OTUD4: variants seen among roughly 807,000 people sequenced by gnomAD.
OTUD4 encodes the protein OTU domain-containing protein 4.
In OTUD4, 24 loss-of-function variants were observed where a neutral mutation model predicts 130.4. That is an observed-to-expected ratio of 0.18 (90% confidence interval 0.13 to 0.26). OTUD4 has a LOEUF of 0.26. Among genes scored for constraint, OTUD4 ranks in the 10% least tolerant of loss-of-function variants. The pLI is 1.00. For missense variants in OTUD4, 1,031 were observed against 1,329.4 expected (o/e 0.78, Z 3.49); for synonymous variants, 420 against 472.5 (o/e 0.89, Z 1.44).
intron 6 of OTUD4, among the ~76,000 whole-genome samples, chr4:145,162,086 C>G (rs1319029129): frequency 6.6e-6 from 1 of 152,204 alleles, no homozygotes; most frequent in African/African-American, 2.4e-5. Flanking sequence ...GATCCTCCCA[C>G]CTCAGCCTCC....
At position 145,180,527 on chromosome 4, in the gene OTUD4, G is replaced by C. The variant is rs889384564; in HGVS notation, c.-554C>G. 2.6e-5 allele frequency among the ~76,000 whole-genome samples: 4 copies of C among 152,252 alleles called. No homozygotes were observed. The highest frequency in any genetic ancestry group is 5.9e-5 in the Non-Finnish European group (4 of 68,040). On this transcript the variant is annotated 5_prime_UTR_variant, in exon 1 of 21. Transcript: ENST00000447906. ...AGGGAGCGGGTGGGGGCGCCCGGGA[G>C]AGAACAGCACCTCGCAGCCCAGAAT...
chr4:145,169,957 A>G (rs1752071923), intron 3 of OTUD4, among the ~76,000 whole-genome samples: 1 of 152,256 alleles, frequency 6.6e-6, no homozygotes, highest in Non-Finnish European at 1.5e-5. Context: ...GGAAGATGAC[A>G]AAGTACACAG....
Position 145,146,275 on chromosome 4 carries a change from C to A in OTUD4, c.1414G>T (p.Ala472Ser), listed in dbSNP as rs1331109542. ...TGTCTTTTCATACATACGGAAAGGG[C>A]TGGGAAAGCCTGTTCATCTCTGTTC... is the stretch of plus-strand genomic sequence containing the variant. ...IQNRDEQAFP[A>S]LSSSSVNQSA... Residue 472 changes from alanine to serine, a missense_variant, in exon 14 of 21, where the codon GCC becomes TCC. Around this residue, in one of 3 missense-constraint regions of OTUD4, gnomAD observed 900 missense variants for 1,095.9 expected, o/e 0.82. Transcript: ENST00000447906. The A allele has an allele frequency of 6.5e-7, 1 of 1,539,040 alleles. No homozygotes were observed. Among genetic ancestry groups the A allele is most frequent in the Non-Finnish European group, 8.7e-7 (1 of 1,149,078 alleles).
intron 7 of OTUD4, among the ~76,000 whole-genome samples, 166 bp from the exon 8 acceptor site, chr4:145,156,162 A>G (rs1476056943): frequency 2.0e-5 from 3 of 152,246 alleles, no homozygotes; most frequent in East Asian, 3.8e-4. Context: ...ATAAAAGGGT[A>G]TATGTATGTA....
intron 13 of OTUD4, among the ~76,000 whole-genome samples, chr4:145,146,857 T>C (rs554310307): frequency 9.8e-5 from 15 of 152,336 alleles, no homozygotes; most frequent in African/African-American, 3.6e-4. Flanking sequence ...CTTTCTGTTC[T>C]AAGTAAAGGG....
At chr4:145,145,488 A>C (rs1750778128) in intron 14 of OTUD4, among the ~76,000 whole-genome samples, 1 of 152,084 alleles carries the variant, frequency 6.6e-6, no homozygotes, top group Admixed American at 6.5e-5. Context: ...GTGGGGCTTT[A>C]ATGTTTTATA....
At chr4:145,154,414 G>C (rs537234397) in intron 10 of OTUD4, among the ~76,000 whole-genome samples, 41 of 152,282 alleles carry the variant, frequency 2.7e-4, no homozygotes, top group African/African-American at 9.6e-4. Context: ...TTATCATAAA[G>C]TAAATGAGTG....
chr4:145,180,277 T>A lies in OTUD4; in HGVS notation c.-304A>T, dbSNP rs1752631637. 1 of 153,544 alleles carries A rather than the reference T, an allele frequency of 6.5e-6. No homozygotes were observed. Among genetic ancestry groups the A allele is most frequent in the Non-Finnish European group, 1.4e-5 (1 of 69,052 alleles). 9.5% of individuals were successfully genotyped at this position (153,544 alleles called of 1,614,324 possible). A position where few individuals can be genotyped will look rare whatever the true frequency, so the allele number is the denominator to read the frequency against. On this transcript the variant is annotated 5_prime_UTR_variant, in exon 1 of 21. Transcript: ENST00000447906. ...AGTGAGTAGTCACTTCCCGACGGCC[T>A]CGCTGCCTGACTCAGGACCCAGGCC...
chr4:145,152,692 G>A lies in OTUD4; in HGVS notation c.874-57C>T. ...AAAAAATCAGTCACCTGCTTCCTTT[G>A]CATTACTTATCAGTTTTTTGCGGTT... is the stretch of plus-strand genomic sequence containing the variant. On this transcript the variant is annotated intron_variant, in intron 10 of 20. Coordinates refer to ENST00000447906, the MANE Select transcript of OTUD4 (RefSeq NM_001366057.1). The A allele has an allele frequency of 4.3e-6, 4 of 933,732 alleles. No individual in the cohort carries two copies. The South Asian group carries it at 4.4e-5, about 10-fold the overall frequency. The allele number at this position is 933,732 out of a possible 1,614,324, so 57.8% of individuals were successfully genotyped here.
intron 13 of OTUD4, among the ~76,000 whole-genome samples, chr4:145,147,774 T>C (rs555848090): frequency 6.6e-6 from 1 of 152,320 alleles, no homozygotes; most frequent in South Asian, 2.1e-4. Context: ...AGCACTACGG[T>C]TCTCTTTTGC....
rs1752620151 is a variant in OTUD4, at chr4:145,180,022, G to A, written c.-49C>T. ...GGCGCGGCGAGGGCTAGCCCCACAT[G>A]GCCAGGCCGCCGGCTGCTCGACGCC... On this transcript the variant is annotated 5_prime_UTR_variant, in exon 1 of 21. Coordinates refer to ENST00000447906, the MANE Select transcript of OTUD4 (RefSeq NM_001366057.1). 3 of 1,323,146 alleles carry A rather than the reference G, an allele frequency of 2.3e-6. No individual in the cohort carries two copies. The highest frequency in any genetic ancestry group is 2.9e-6 in the Non-Finnish European group (3 of 1,043,880). The allele number at this position is 1,323,146 out of a possible 1,614,324, so 82.0% of individuals were successfully genotyped here.
intron 7 of OTUD4, among the ~76,000 whole-genome samples, chr4:145,157,861 C>T (rs1751369064): frequency 6.6e-6 from 1 of 152,184 alleles, no homozygotes; most frequent in South Asian, 2.1e-4. Flanking sequence ...CTACTCTATA[C>T]TTCACCTGCC....
At chr4:145,175,231 A>G (rs1435703677) in intron 1 of OTUD4, among the ~76,000 whole-genome samples, 1 of 152,234 alleles carries the variant, frequency 6.6e-6, no homozygotes, top group Non-Finnish European at 1.5e-5. Context: ...GGCTCTGTGT[A>G]AAAATTTAAG....
chr4:145,141,712 T>C (rs560371512), intron 18 of OTUD4, 73 bp from the exon 19 acceptor site: 2 of 1,340,320 alleles, frequency 1.5e-6, no homozygotes, highest in South Asian at 3.1e-5. Context: ...CATTAACCTA[T>C]AAAGAATGCT....
chr4:145,143,853 T>C (rs1255560562), intron 16 of OTUD4, 93 bp downstream of exon 16: 23 of 923,188 alleles, frequency 2.5e-5, no homozygotes, highest in Admixed American at 8.4e-5. Context: ...CTATAAAATT[T>C]CGAAATTATT....
In OTUD4 at chr4:145,141,414, T is replaced by G. The variant is rs942104714; in HGVS notation, c.2048A>C (p.Tyr683Ser). ...GTCCTCCCCAGTCTGACACAGTGAA[T>G]AAGGTGGTACAATGGCTCGATCTCC... The part of the protein sequence containing the change: ...EKGDRAIVPP[Y>S]SLCQTGEDLP... Residue 683 changes from tyrosine to serine, a missense_variant, in exon 19 of 21, where the codon TAT (tyrosine) becomes TCT (serine). Physicochemically the swap from Tyr to Ser is moderately radical, Grantham distance 144. Around this residue, in one of 3 missense-constraint regions of OTUD4, gnomAD observed 900 missense variants for 1,095.9 expected, o/e 0.82. Coordinates refer to ENST00000447906, the MANE Select transcript of OTUD4 (RefSeq NM_001366057.1). 6.2e-7 allele frequency: 1 copy of G among 1,613,320 alleles called. No individual in the cohort carries two copies. Among genetic ancestry groups the G allele is most frequent in the Non-Finnish European group, 8.5e-7 (1 of 1,179,584 alleles).
At chr4:145,162,962 A>C (rs2126786627) in intron 5 of OTUD4, among the ~76,000 whole-genome samples, 1 of 152,348 alleles carries the variant, frequency 6.6e-6, no homozygotes, top group South Asian at 2.1e-4. Context: ...GATCACAAAA[A>C]AATAAAAATA....
intron 20 of OTUD4, among the ~76,000 whole-genome samples, chr4:145,139,398 A>T (rs759127071): frequency 1.3e-5 from 2 of 152,228 alleles, no homozygotes; most frequent in Non-Finnish European, 2.9e-5. Context: ...TTTAACAAGG[A>T]CAGAGTTCTC....
In OTUD4 at chr4:145,150,796, T is replaced by C. The variant is rs761382112; in HGVS notation, c.1072+6A>G. ...CCAAAGGAATGATAGCTTGATGTGC[T>C]CCTACCAGAATGGAAATTTTGTCCA... On this transcript the variant is annotated splice_donor_region_variant and intron_variant, in intron 12 of 20. Transcript: ENST00000447906. The C allele has an allele frequency of 1.7e-5, 27 of 1,611,706 alleles. No individual in the cohort carries two copies. Among genetic ancestry groups the C allele is most frequent in the Non-Finnish European group, 2.3e-5 (27 of 1,178,058 alleles).
Sources: allele counts gnomAD v4.1 joint callset (sites outside exome capture counted in the v4.1 genomes callset), GRCh38; gene constraint gnomAD v4.1.1; regional missense constraint gnomAD v4.1.1; transcripts MANE v1.5; gene names NCBI Gene and HGNC (gene_info 2026-07-23, HGNC 2026-07-21).